The following SLC44A5 variants were observed in gnomAD, a reference collection of about 807,000 sequenced individuals.
SLC44A5 encodes choline transporter-like protein 5.
SLC44A5 carries 57 observed loss-of-function variants against 101.8 expected under a neutral mutation model. That is an observed-to-expected ratio of 0.56 (90% confidence interval 0.45 to 0.70). The LOEUF is 0.70. Among genes scored for constraint, SLC44A5 ranks in the 30% least tolerant of loss-of-function variants. The probability of loss-of-function intolerance (pLI) is 0.00; values close to 1 mark genes in which losing one functional copy is unlikely to be tolerated. For missense variants in SLC44A5, 737 were observed against 853.1 expected, an observed-to-expected ratio of 0.86 and a Z score of 1.70; for synonymous variants, 281 against 290.9, an observed-to-expected ratio of 0.97 and a Z score of 0.35.
At chr1:75,588,394 C>T (rs1674144308) in intron 1 of SLC44A5, among the ~76,000 whole-genome samples, 1 of 151,956 alleles carries the variant, frequency 6.6e-6, no homozygotes, top group Non-Finnish European at 1.5e-5. Flanking sequence ...TCATTTAATC[C>T]TCACCATAGT....
intron 6 of SLC44A5, among the ~76,000 whole-genome samples, chr1:75,254,383 G>A (rs1243835349): frequency 1.3e-5 from 2 of 152,072 alleles, no homozygotes; most frequent in Non-Finnish European, 2.9e-5. Context: ...GGTGGTTGCA[G>A]CTGAGCAATT....
At chr1:75,237,196 T>C in intron 10 of SLC44A5, 126 bp from the exon 11 acceptor site, 1 of 558,374 alleles carries the variant, frequency 1.8e-6, no homozygotes, top group Non-Finnish European at 3.3e-6. Context: ...CATCTATCAG[T>C]AGTGACTGTT....
intron 3 of SLC44A5, among the ~76,000 whole-genome samples, chr1:75,393,945 T>A (rs1342614774): frequency 6.6e-6 from 1 of 152,078 alleles, no homozygotes; most frequent in Non-Finnish European, 1.5e-5. Context: ...TAAAGTCAAA[T>A]AAATAAGTCC....
At chr1:75,466,090 C>T (rs181126318) in intron 2 of SLC44A5, among the ~76,000 whole-genome samples, 1 of 152,228 alleles carries the variant, frequency 6.6e-6, no homozygotes, top group East Asian at 1.9e-4. Flanking sequence ...AAACTACATG[C>T]CAATATCTCT....
At chr1:75,625,693 G>A in the SLC44A5 span, among the ~76,000 whole-genome samples, 5 of 152,042 alleles carry the variant, frequency 3.3e-5, no homozygotes, top group African/African-American at 4.8e-5. Flanking sequence ...GTGATACTGC[G>A]TCTCTTATTT....
At chr1:75,434,888 T>C (rs1197875926) in intron 2 of SLC44A5, among the ~76,000 whole-genome samples, 2 of 152,120 alleles carry the variant, frequency 1.3e-5, no homozygotes, top group Non-Finnish European at 2.9e-5. Flanking sequence ...AGTAATTGCT[T>C]CCCTCTCATG....
chr1:75,556,166 A>T (rs1672205527), intron 1 of SLC44A5, among the ~76,000 whole-genome samples: 1 of 152,036 alleles, frequency 6.6e-6, no homozygotes, highest in Admixed American at 6.6e-5. Flanking sequence ...CATGATGTGA[A>T]ACTTTTTCTG....
At chr1:75,438,430 C>T (rs1665009403) in intron 2 of SLC44A5, among the ~76,000 whole-genome samples, 1 of 152,082 alleles carries the variant, frequency 6.6e-6, no homozygotes, top group Non-Finnish European at 1.5e-5. Context: ...AAACTAAGAA[C>T]AATATCCAAG....
At chr1:75,258,974 A>G (rs1650255824) in intron 6 of SLC44A5, among the ~76,000 whole-genome samples, 1 of 152,172 alleles carries the variant, frequency 6.6e-6, no homozygotes, top group Admixed American at 6.5e-5. Flanking sequence ...AGAAAAGAAC[A>G]GTATCAACAG....
At chr1:75,484,030 C>A (rs1668019670) in intron 2 of SLC44A5, among the ~76,000 whole-genome samples, 1 of 152,156 alleles carries the variant, frequency 6.6e-6, no homozygotes, top group Non-Finnish European at 1.5e-5. Flanking sequence ...GGCCCCTCCT[C>A]CAACATGTGG....
chr1:75,641,217 T>C, the SLC44A5 span: 4 of 320,100 alleles, frequency 1.2e-5, no homozygotes, highest in African/African-American at 8.7e-5. Flanking sequence ...TATTTTATTA[T>C]ATTTGAATAA....
intron 2 of SLC44A5, among the ~76,000 whole-genome samples, chr1:75,397,045 C>A (rs1283959512): frequency 6.6e-6 from 1 of 152,036 alleles, no homozygotes; most frequent in Non-Finnish European, 1.5e-5. Context: ...CATTAAATAC[C>A]TTTTATTACA....
intron 2 of SLC44A5, among the ~76,000 whole-genome samples, chr1:75,436,124 G>C (rs1229569849): frequency 6.6e-6 from 1 of 152,064 alleles, no homozygotes; most frequent in Non-Finnish European, 1.5e-5. Flanking sequence ...CATGATAAAA[G>C]AGTAAATTGG....
At chr1:75,647,840 G>C in the SLC44A5 span, among the ~76,000 whole-genome samples, 5 of 152,172 alleles carry the variant, frequency 3.3e-5, no homozygotes, top group African/African-American at 1.2e-4. Flanking sequence ...TAACTAACTC[G>C]CTTTTGATTT....
chr1:75,683,739 T>C, the SLC44A5 span, among the ~76,000 whole-genome samples: 435 of 142,780 alleles, frequency 3.0e-3, 5 homozygotes, highest in African/African-American at 0.011. Flanking sequence ...ACGTGTACCC[T>C]AAAACTTAAA....
intron 3 of SLC44A5, among the ~76,000 whole-genome samples, chr1:75,362,997 T>C (rs1334435807): frequency 6.6e-6 from 1 of 152,096 alleles, no homozygotes. Flanking sequence ...ATATTTAGGT[T>C]GGGTGCATAT....
intron 1 of SLC44A5, among the ~76,000 whole-genome samples, chr1:75,593,117 T>A (rs1174318430): frequency 6.6e-6 from 1 of 151,980 alleles, no homozygotes; most frequent in Non-Finnish European, 1.5e-5. Flanking sequence ...ATAACCAGAA[T>A]ACACAAGGAA....
At chr1:75,702,757 T>C in the SLC44A5 span, among the ~76,000 whole-genome samples, 2 of 151,976 alleles carry the variant, frequency 1.3e-5, no homozygotes, top group Admixed American at 1.3e-4. Flanking sequence ...TGCAATCTAC[T>C]CATCTGACAA....
intron 1 of SLC44A5, among the ~76,000 whole-genome samples, chr1:75,598,628 C>G (rs1674790995): frequency 6.9e-6 from 1 of 145,962 alleles, no homozygotes; most frequent in African/African-American, 2.5e-5. Context: ...TTTGCAGGGA[C>G]ATGAATGGAG....
Sources: gnomAD v4.1 joint callset for allele counts (sites outside exome capture counted in the v4.1 genomes callset) on GRCh38, gnomAD v4.1.1 for gene constraint, MANE v1.5 for transcripts, NCBI Gene and HGNC (gene_info 2026-07-23, HGNC 2026-07-21) for gene names.